The following MAP3K20 variants were observed in gnomAD, a reference collection of about 807,000 sequenced individuals.
MAP3K20 encodes the protein mitogen-activated protein kinase kinase kinase 20.
Under a neutral mutation model 85.7 loss-of-function variants are expected in MAP3K20, and 40 were observed. The ratio of observed to expected loss-of-function variants is 0.47; its 90% CI spans 0.36 to 0.61. The LOEUF (loss-of-function observed/expected upper bound fraction) is 0.61, where lower values mean the gene tolerates loss of function less well. MAP3K20 is among the 20% of genes least tolerant of loss of function. MAP3K20 has a pLI of 0.00. For missense variants in MAP3K20, 817 were observed against 961.7 expected, an observed-to-expected ratio of 0.85 and a Z score of 1.99; for synonymous variants, 325 against 327.7, an observed-to-expected ratio of 0.99 and a Z score of 0.09.
intron 16 of MAP3K20, among the ~76,000 whole-genome samples, chr2:173,239,769 C>G (rs771110107): frequency 4.3e-4 from 65 of 152,192 alleles, no homozygotes; most frequent in Middle Eastern, 6.8e-3. Flanking sequence ...GGAAGGGGGG[C>G]CGTGGATACC....
chr2:173,187,199 T>C (rs1690512602), intron 4 of MAP3K20, among the ~76,000 whole-genome samples: 1 of 152,174 alleles, frequency 6.6e-6, no homozygotes, highest in Non-Finnish European at 1.5e-5. Context: ...ACTCAGAACT[T>C]TGGCAGATTT....
At chr2:173,145,475 A>G (rs1311088051) in intron 2 of MAP3K20, among the ~76,000 whole-genome samples, 1 of 152,240 alleles carries the variant, frequency 6.6e-6, no homozygotes, top group African/African-American at 2.4e-5. Flanking sequence ...TAGAATAGTC[A>G]TCTCACAAAA....
At chr2:173,252,193 T>C (rs1286890723) in intron 16 of MAP3K20, among the ~76,000 whole-genome samples, 3 of 152,222 alleles carry the variant, frequency 2.0e-5, no homozygotes, top group Non-Finnish European at 4.4e-5. Context: ...TTGGCATCAC[T>C]TGTACTAGCT....
At chr2:173,214,150 A>G (rs1299563465) in intron 10 of MAP3K20, 4 of 152,156 alleles carry the variant, frequency 2.6e-5, no homozygotes, top group African/African-American at 9.7e-5. Flanking sequence ...TTCTTTTTAA[A>G]ACTACATTAT....
At chr2:173,110,744 A>G (rs1687949792) in intron 2 of MAP3K20, among the ~76,000 whole-genome samples, 1 of 152,154 alleles carries the variant, frequency 6.6e-6, no homozygotes, top group Admixed American at 6.5e-5. Flanking sequence ...ATCACTGCAA[A>G]TGCTGTTAAT....
At chr2:173,105,581 G>A (rs1687761331) in intron 2 of MAP3K20, among the ~76,000 whole-genome samples, 1 of 152,122 alleles carries the variant, frequency 6.6e-6, no homozygotes, top group African/African-American at 2.4e-5. Context: ...TCAACCTTAA[G>A]AAGGAATACA....
intron 11 of MAP3K20, chr2:173,226,725 T>G: frequency 1.0e-6 from 1 of 985,848 alleles, no homozygotes; most frequent in Non-Finnish European, 1.2e-6. Flanking sequence ...GTGTGCAGAA[T>G]AGTATATCTT....
intron 2 of MAP3K20, among the ~76,000 whole-genome samples, chr2:173,111,368 G>A (rs2106174815): frequency 6.6e-6 from 1 of 152,144 alleles, no homozygotes; most frequent in Admixed American, 6.5e-5. Flanking sequence ...TCCCACTCTG[G>A]GGGTTGTCTG....
intron 1 of MAP3K20, among the ~76,000 whole-genome samples, chr2:173,076,650 C>T: frequency 6.6e-6 from 1 of 152,246 alleles, no homozygotes; most frequent in East Asian, 1.9e-4. Context: ...TAAAAACATG[C>T]GTAAATGTAT....
chr2:173,154,329 G>A (rs575774621), intron 2 of MAP3K20, among the ~76,000 whole-genome samples: 182 of 152,224 alleles, frequency 1.2e-3, no homozygotes, highest in African/African-American at 4.1e-3. Context: ...GACTATAGGC[G>A]TGTGCCACCA....
chr2:173,255,240 A>G (rs191565305), intron 16 of MAP3K20, among the ~76,000 whole-genome samples: 203 of 152,306 alleles, frequency 1.3e-3, no homozygotes, highest in Non-Finnish European at 1.7e-3. Flanking sequence ...TGGTTGTATC[A>G]ACGAAATCTC....
At chr2:173,076,089 C>G (rs1230367112) in intron 1 of MAP3K20, 87 bp downstream of exon 1, 14 of 930,176 alleles carry the variant, frequency 1.5e-5, no homozygotes, top group Non-Finnish European at 7.7e-6. Context: ...GTCTCGGGGC[C>G]GAGGCTCCGC....
At chr2:173,081,446 G>C (rs1687012237) in intron 1 of MAP3K20, among the ~76,000 whole-genome samples, 1 of 152,134 alleles carries the variant, frequency 6.6e-6, no homozygotes, top group Non-Finnish European at 1.5e-5. Context: ...ACATGGGATT[G>C]GTCCTAATAA....
intron 2 of MAP3K20, among the ~76,000 whole-genome samples, chr2:173,114,979 C>T (rs531708238): frequency 2.0e-5 from 3 of 152,298 alleles, no homozygotes; most frequent in South Asian, 2.1e-4. Context: ...AAGTTTTCCT[C>T]GATTATTCCC....
intron 16 of MAP3K20, among the ~76,000 whole-genome samples, chr2:173,257,599 A>G (rs1685189279): frequency 2.0e-5 from 3 of 152,216 alleles, no homozygotes; most frequent in African/African-American, 7.2e-5. Context: ...CAAGTTTCCT[A>G]GTCAACATGA....
intron 12 of MAP3K20, among the ~76,000 whole-genome samples, chr2:173,231,949 A>G (rs973684561): frequency 4.6e-5 from 7 of 152,258 alleles, no homozygotes; most frequent in African/African-American, 1.7e-4. Context: ...ATTTAAAAAT[A>G]TCTCCCAAAG....
chr2:173,150,850 C>T (rs979381249), intron 2 of MAP3K20, among the ~76,000 whole-genome samples: 1 of 152,152 alleles, frequency 6.6e-6, no homozygotes, highest in Non-Finnish European at 1.5e-5. Flanking sequence ...GCGTGAGCCA[C>T]CACACCCGGC....
At chr2:173,079,707 A>C (rs891180761) in intron 1 of MAP3K20, among the ~76,000 whole-genome samples, 1 of 152,174 alleles carries the variant, frequency 6.6e-6, no homozygotes, top group Non-Finnish European at 1.5e-5. Flanking sequence ...ACAGAAACAC[A>C]CACATCAGCC....
At chr2:173,180,502 A>G (rs1268358046) in intron 3 of MAP3K20, among the ~76,000 whole-genome samples, 1 of 152,092 alleles carries the variant, frequency 6.6e-6, no homozygotes, top group Non-Finnish European at 1.5e-5. Flanking sequence ...ACAAAATCCC[A>G]TCTGTACAAA....
Sources: allele counts gnomAD v4.1 joint callset (sites outside exome capture counted in the v4.1 genomes callset), GRCh38; gene constraint gnomAD v4.1.1; transcripts MANE v1.5; gene names NCBI Gene and HGNC (gene_info 2026-07-23, HGNC 2026-07-21).